ZMYND8: variants seen among roughly 807,000 people sequenced by gnomAD.
ZMYND8 encodes the protein MYND-type zinc finger-containing chromatin reader ZMYND8.
ZMYND8 carries 37 observed loss-of-function variants against 140.8 expected under a neutral mutation model. The ratio of observed to expected loss-of-function variants is 0.26; its 90% CI spans 0.20 to 0.35. ZMYND8 has a LOEUF of 0.35. ZMYND8 is among the 10% of genes least tolerant of loss of function. ZMYND8 has a pLI of 1.00. For synonymous variants in ZMYND8, 592 were observed against 597.1 expected, an observed-to-expected ratio of 0.99 and a Z score of 0.12; for missense variants, 1,068 against 1,570.0, an observed-to-expected ratio of 0.68 and a Z score of 5.40.
intron 10 of ZMYND8, among the ~76,000 whole-genome samples, chr20:47,280,468 C>A (rs991549259): frequency 6.6e-6 from 1 of 152,222 alleles, no homozygotes; most frequent in African/African-American, 2.4e-5. Flanking sequence ...AACTCACACG[C>A]CGTCCTTCAT....
At chr20:47,350,685 G>A (rs540442547) in intron 1 of ZMYND8, among the ~76,000 whole-genome samples, 3 of 152,104 alleles carry the variant, frequency 2.0e-5, no homozygotes, top group African/African-American at 7.2e-5. Context: ...AAAATACTCT[G>A]AACTTCTGTC....
chr20:47,313,426 T>G lies in ZMYND8; in HGVS notation c.86-3222A>C, dbSNP rs1054653586. ...TTACAAAGTCAGGAGATCGAGACCA[T>G]CCTGGCTAACATGGTGAAACCCCGT... On this transcript the variant is annotated intron_variant, in intron 2 of 22. Transcript: ENST00000471951. Among the ~76,000 whole-genome samples the G allele has an allele frequency of 1.8e-4, 27 of 150,650 alleles. No individual in the cohort carries two copies. The East Asian group carries it at 2.8e-3, about 15-fold the overall frequency.
chr20:47,321,855 C>T (rs954370013), intron 2 of ZMYND8, among the ~76,000 whole-genome samples: 1 of 143,566 alleles, frequency 7.0e-6, no homozygotes. Flanking sequence ...AACTCGCCGC[C>T]CTTTTTTTTT....
chr20:47,334,740 G>A (rs1183207243), intron 2 of ZMYND8, among the ~76,000 whole-genome samples: 3 of 151,796 alleles, frequency 2.0e-5, no homozygotes, highest in African/African-American at 7.3e-5. Context: ...CTGCTGAGTA[G>A]CTGGGATTAC....
chr20:47,334,354 G>T (rs1268957152), intron 2 of ZMYND8, among the ~76,000 whole-genome samples: 1 of 152,128 alleles, frequency 6.6e-6, no homozygotes, highest in Non-Finnish European at 1.5e-5. Flanking sequence ...ACAAGAATGT[G>T]GATGAGCCTT....
chr20:47,229,590 G>C (rs1450515696), intron 17 of ZMYND8, 136 bp downstream of exon 17: 1 of 744,336 alleles, frequency 1.3e-6, no homozygotes. Context: ...CATCGATAAT[G>C]ACAATCAGTA....
intron 2 of ZMYND8, among the ~76,000 whole-genome samples, chr20:47,334,757 A>G (rs1008818942): frequency 6.6e-6 from 1 of 151,740 alleles, no homozygotes; most frequent in Admixed American, 6.6e-5. Flanking sequence ...TTACAGGCAC[A>G]CGCCACCACA....
rs750139667 is a variant in ZMYND8 at position 47,210,602 on chromosome 20, G to A, written c.*159C>T. ...AGTCAAAGCCGATGCTGGGTGTCCT[G>A]TAGTGTAGCAGCCCCCGCGCCGGGG... On this transcript the variant is annotated 3_prime_UTR_variant, in exon 23 of 23. Transcript: ENST00000471951. The A allele has an allele frequency of 1.3e-5, 14 of 1,087,138 alleles. No individual in the cohort carries two copies. Among genetic ancestry groups the A allele is most frequent in the Non-Finnish European group, 1.9e-5 (14 of 725,590 alleles). The allele number at this position is 1,087,138 out of a possible 1,614,324, so 67.3% of individuals were successfully genotyped here.
chr20:47,222,936 C>T (rs1462521830), intron 19 of ZMYND8, among the ~76,000 whole-genome samples: 1 of 152,246 alleles, frequency 6.6e-6, no homozygotes, highest in Non-Finnish European at 1.5e-5. Flanking sequence ...TGCTTCTGCA[C>T]TGCAACAGCA....
chr20:47,293,104 GAGGAAAGAAGGAAGGA>G (rs1281209564), intron 5 of ZMYND8, among the ~76,000 whole-genome samples: 4 of 108,436 alleles, frequency 3.7e-5, no homozygotes, highest in African/African-American at 1.6e-4. Context: ...AGGGAGGGAC[GAGGAAAGAAGGAAGGA>G]AGGAAGGAAG....
chr20:47,229,457 CCA>C (rs2038177371), intron 17 of ZMYND8, among the ~76,000 whole-genome samples: 1 of 152,174 alleles, frequency 6.6e-6, no homozygotes, highest in African/African-American at 2.4e-5. Context: ...GAACTGGTGT[CCA>C]GTTTCACCAG....
intron 2 of ZMYND8, among the ~76,000 whole-genome samples, chr20:47,310,480 A>G (rs2078837429): frequency 6.6e-6 from 1 of 152,112 alleles, no homozygotes; most frequent in Non-Finnish European, 1.5e-5. Flanking sequence ...GTAATAACCT[A>G]GATTTTTCAC....
Position 47,328,164 on chromosome 20 carries a change from G to A in ZMYND8, c.86-17960C>T, listed in dbSNP as rs2080610412. On this transcript the variant is annotated intron_variant, in intron 2 of 22. Coordinates refer to ENST00000471951, the MANE Select transcript of ZMYND8 (RefSeq NM_001281775.3). ...CCCTTAAAGGGTGTAACAGGACAGG[G>A]GAAGCAGAGAAGGATAATAAGGTAA... Among the ~76,000 whole-genome samples the A allele has an allele frequency of 3.3e-5, 5 of 152,278 alleles. No individual in the cohort carries two copies. In the South Asian group the frequency reaches 8.3e-4, roughly 25 times the overall value.
At chr20:47,329,724 G>A (rs190774999) in intron 2 of ZMYND8, among the ~76,000 whole-genome samples, 9 of 152,254 alleles carry the variant, frequency 5.9e-5, no homozygotes, top group African/African-American at 2.2e-4. Context: ...AATTTAAAGA[G>A]CCACGTACAG....
At position 47,312,458 on chromosome 20, in the gene ZMYND8, G is replaced by C. The variant is rs921239231; in HGVS notation, c.86-2254C>G. 4.6e-5 allele frequency among the ~76,000 whole-genome samples: 7 copies of C among 152,132 alleles called. No individual in the cohort carries two copies. The East Asian group carries it at 1.3e-3, about 29-fold the overall frequency. On this transcript the variant is annotated intron_variant, in intron 2 of 22. Transcript: ENST00000471951. ...TAAATGCTAACAACAGGTACCTTGA[G>C]GGTGAACAGACCTGAGAGTCCAGAG... is the stretch of plus-strand genomic sequence containing the variant.
intron 1 of ZMYND8, chr20:47,353,182 C>G (rs1479654765): frequency 1.3e-5 from 2 of 152,184 alleles, no homozygotes; most frequent in Non-Finnish European, 2.9e-5. Context: ...ACTGTCACCC[C>G]ACTTCCTAAA....
Position 47,262,328 on chromosome 20 carries a change from G to C in ZMYND8, c.1581C>G (p.Asp527Glu), listed in dbSNP as rs1204377629. The C allele has an allele frequency of 6.2e-7, 1 of 1,613,890 alleles. No individual in the cohort carries two copies. The highest frequency in any genetic ancestry group is 1.3e-5 in the African/African-American group (1 of 74,844). Residue 527 changes from aspartate to glutamate, a missense_variant, in exon 12 of 23, where the codon GAC becomes GAG. Transcript: ENST00000471951. The stretch of plus-strand genomic sequence containing the variant: ...GGATGCTGCCGGTGGTGGAGGTTTT[G>C]TCCGTTTTCGTCGTGATAGGAGCTG... ...QLSAPITTKT[D>E]KTSTTGSILN...
chr20:47,352,027 G>A (rs2082824501), intron 1 of ZMYND8: 6 of 984,994 alleles, frequency 6.1e-6, no homozygotes, highest in Non-Finnish European at 7.2e-6. Context: ...TTCAACATGA[G>A]GCTCTGTGAT....
At chr20:47,339,464 A>G (rs775474028) in intron 2 of ZMYND8, among the ~76,000 whole-genome samples, 99 of 152,074 alleles carry the variant, frequency 6.5e-4, no homozygotes, top group Non-Finnish European at 4.4e-4. Context: ...ATTTTTGAGC[A>G]GCCACCCTGT....
Sources: gnomAD v4.1 joint callset for allele counts (sites outside exome capture counted in the v4.1 genomes callset) on GRCh38, gnomAD v4.1.1 for gene constraint, MANE v1.5 for transcripts, NCBI Gene and HGNC (gene_info 2026-07-23, HGNC 2026-07-21) for gene names.